Variants in MAGI2 observed in about 807,000 individuals in gnomAD.
MAGI2 encodes membrane associated guanylate kinase, WW and PDZ domain containing 2, also known as membrane-associated guanylate kinase, WW and PDZ domain-containing protein 2.
In MAGI2, 35 loss-of-function variants were observed where a neutral mutation model predicts 133.3. The ratio of observed to expected loss-of-function variants is 0.26; its 90% CI spans 0.20 to 0.35. The LOEUF (loss-of-function observed/expected upper bound fraction) is 0.35. MAGI2 is among the 10% of genes least tolerant of loss of function. MAGI2 has a pLI of 1.00. For synonymous variants in MAGI2, 729 were observed against 710.6 expected (o/e 1.03, Z -0.41); for missense variants, 1,636 against 1,863.4 (o/e 0.88, Z 2.25).
intron 3 of MAGI2, among the ~76,000 whole-genome samples, chr7:78,572,195 G>A (rs554490289): frequency 2.0e-5 from 3 of 152,164 alleles, no homozygotes; most frequent in Admixed American, 1.3e-4. Context: ...TTTCAGTGGC[G>A]TTCATGTTTC....
intron 1 of MAGI2, among the ~76,000 whole-genome samples, chr7:79,350,328 A>G (rs1841606416): frequency 6.6e-6 from 1 of 152,102 alleles, no homozygotes; most frequent in South Asian, 2.1e-4. Flanking sequence ...AGTTTTTAGA[A>G]TCTCAGTTTT....
intron 2 of MAGI2, among the ~76,000 whole-genome samples, chr7:78,924,259 C>A (rs967268718): frequency 6.6e-6 from 1 of 152,082 alleles, no homozygotes; most frequent in African/African-American, 2.4e-5. Context: ...GAGAGGGCAA[C>A]CCTGTGTTGT....
At chr7:79,256,045 T>C (rs1365709313) in intron 1 of MAGI2, among the ~76,000 whole-genome samples, 14 of 152,332 alleles carry the variant, frequency 9.2e-5, no homozygotes, top group Admixed American at 8.5e-4. Context: ...AGGCACATTG[T>C]ACAATTGCAG....
At chr7:79,028,249 A>ATGTG (rs1562805114) in intron 1 of MAGI2, among the ~76,000 whole-genome samples, 2 of 28,732 alleles carry the variant, frequency 7.0e-5, no homozygotes, top group African/African-American at 2.0e-4. Flanking sequence ...ATATATATAT[A>ATGTG]TATATATATA....
intron 3 of MAGI2, among the ~76,000 whole-genome samples, chr7:78,575,100 G>A (rs1473040266): frequency 6.6e-6 from 1 of 151,940 alleles, no homozygotes; most frequent in Non-Finnish European, 1.5e-5. Context: ...TCCAACTGAA[G>A]TAACAACACA....
At chr7:79,040,273 C>T (rs1811533278) in intron 1 of MAGI2, among the ~76,000 whole-genome samples, 1 of 152,056 alleles carries the variant, frequency 6.6e-6, no homozygotes, top group Non-Finnish European at 1.5e-5. Context: ...TGCCTTCTGC[C>T]ATGACTGTGT....
intron 10 of MAGI2, among the ~76,000 whole-genome samples, chr7:78,235,740 C>T (rs1790462226): frequency 7.1e-6 from 1 of 141,816 alleles, no homozygotes; most frequent in South Asian, 2.2e-4. Flanking sequence ...TGAGAACAGA[C>T]TAATACTCTA....
At chr7:79,309,248 C>A (rs1489671329) in intron 1 of MAGI2, among the ~76,000 whole-genome samples, 1 of 151,840 alleles carries the variant, frequency 6.6e-6, no homozygotes, top group Non-Finnish European at 1.5e-5. Context: ...TTATAACATG[C>A]AGGATGGAAG....
intron 2 of MAGI2, among the ~76,000 whole-genome samples, chr7:78,834,277 T>C (rs1791429273): frequency 1.3e-5 from 2 of 152,154 alleles, no homozygotes; most frequent in Admixed American, 6.5e-5. Context: ...CAAGTTTGGG[T>C]TACCATAACC....
At chr7:78,484,529 A>G (rs1318095976) in intron 6 of MAGI2, 3 of 151,956 alleles carry the variant, frequency 2.0e-5, no homozygotes, top group African/African-American at 7.2e-5. Context: ...TTTAGAGACA[A>G]CTTAACAGGT....
intron 21 of MAGI2, among the ~76,000 whole-genome samples, chr7:78,028,848 C>CA (rs56201811): frequency 0.26 from 21,541 of 84,010 alleles, 3,005 homozygotes; most frequent in Non-Finnish European, 0.33. Flanking sequence ...GACTCCATCT[C>CA]AAAAAAAAAA....
chr7:78,924,147 C>T (rs1001169654), intron 2 of MAGI2, among the ~76,000 whole-genome samples: 4 of 152,120 alleles, frequency 2.6e-5, no homozygotes, highest in African/African-American at 9.7e-5. Flanking sequence ...CAAACAGGGA[C>T]AATTTGACTT....
At chr7:78,175,578 T>C (rs1471437383) in intron 14 of MAGI2, among the ~76,000 whole-genome samples, 1 of 152,150 alleles carries the variant, frequency 6.6e-6, no homozygotes, top group Non-Finnish European at 1.5e-5. Flanking sequence ...CACAGATAAG[T>C]TGGCAACCAG....
At chr7:78,940,437 TA>T (rs1354444375) in intron 2 of MAGI2, 2 of 152,160 alleles carry the variant, frequency 1.3e-5, no homozygotes, top group Non-Finnish European at 2.9e-5. Context: ...TTGAGTGATT[TA>T]TTTTCTCTAT....
chr7:78,229,820 G>A (rs900527222), intron 10 of MAGI2, among the ~76,000 whole-genome samples: 5 of 152,162 alleles, frequency 3.3e-5, no homozygotes, highest in Non-Finnish European at 5.9e-5. Flanking sequence ...AGAGCTCCTG[G>A]ATTCTGGCAG....
In MAGI2 at chr7:78,927,142, A is replaced by C. The variant is rs373402385; in HGVS notation, c.418+79948T>G. ...AGAAGCACACTAAAGTGATGAAAAG[A>C]GACTGAAGTTGGGCATCAGGAAACC... On this transcript the variant is annotated intron_variant, in intron 2 of 21. Coordinates refer to ENST00000354212, the MANE Select transcript of MAGI2 (RefSeq NM_012301.4). 2.9e-4 allele frequency among the ~76,000 whole-genome samples: 44 copies of C among 152,166 alleles called. No homozygotes were observed. In the South Asian group the frequency reaches 5.8e-3, roughly 20 times the overall value.
chr7:79,236,665 C>A (rs1002214527), intron 1 of MAGI2, among the ~76,000 whole-genome samples: 1 of 152,262 alleles, frequency 6.6e-6, no homozygotes, highest in South Asian at 2.1e-4. Context: ...TCTGTTCCAG[C>A]AATAAAATTC....
At chr7:78,988,057 A>C (rs1377740893) in intron 2 of MAGI2, among the ~76,000 whole-genome samples, 1 of 152,070 alleles carries the variant, frequency 6.6e-6, no homozygotes, top group South Asian at 2.1e-4. Context: ...TTGCAAAGCT[A>C]TAATCTGGCT....
chr7:78,577,880 C>A (rs1802431992), intron 3 of MAGI2, among the ~76,000 whole-genome samples: 1 of 152,016 alleles, frequency 6.6e-6, no homozygotes, highest in Non-Finnish European at 1.5e-5. Flanking sequence ...AGAGGCCTGA[C>A]TCTGATCATG....
Sources: allele counts gnomAD v4.1 joint callset (sites outside exome capture counted in the v4.1 genomes callset), GRCh38; gene constraint gnomAD v4.1.1; transcripts MANE v1.5; gene names NCBI Gene and HGNC (gene_info 2026-07-23, HGNC 2026-07-21).